The following ADAMTS17 variants were observed in gnomAD, a reference collection of about 807,000 sequenced individuals.
ADAMTS17 encodes the protein ADAM metallopeptidase with thrombospondin type 1 motif 17.
In ADAMTS17, 113 loss-of-function variants were observed where a neutral mutation model predicts 141.5. That is an observed-to-expected ratio of 0.80 (90% CI 0.69 to 0.93). The LOEUF is 0.93. Among genes scored for constraint, ADAMTS17 ranks in the 40% least tolerant of loss-of-function variants. The pLI is 0.00. For missense variants in ADAMTS17, 1,659 were observed against 1,517.9 expected, an observed-to-expected ratio of 1.09 and a Z score of -1.54; for synonymous variants, 768 against 630.6, an observed-to-expected ratio of 1.22 and a Z score of -3.27.
chr15:100,131,770 G>GAGGGAGTCAGCTCACCCC (rs2038055895), intron 12 of ADAMTS17, among the ~76,000 whole-genome samples: 1 of 152,190 alleles, frequency 6.6e-6, no homozygotes, highest in African/African-American at 2.4e-5. Flanking sequence ...GGGAAGGAAT[G>GAGGGAGTCAGCTCACCCC]AGGGAGTCAG....
chr15:100,329,682 T>C (rs2045992385), intron 3 of ADAMTS17, among the ~76,000 whole-genome samples: 1 of 152,184 alleles, frequency 6.6e-6, no homozygotes, highest in Non-Finnish European at 1.5e-5. Flanking sequence ...AGAAAAACCC[T>C]AATGTCTCCA....
intron 7 of ADAMTS17, among the ~76,000 whole-genome samples, chr15:100,222,892 C>G (rs2042178523): frequency 6.6e-6 from 1 of 152,186 alleles, no homozygotes; most frequent in African/African-American, 2.4e-5. Context: ...TTCCAATGGT[C>G]TTTTGAATTG....
chr15:100,313,985 C>T (rs1301982650), intron 3 of ADAMTS17, among the ~76,000 whole-genome samples: 9 of 84,032 alleles, frequency 1.1e-4, no homozygotes, highest in Admixed American at 1.4e-4. Flanking sequence ...GACAAAACCA[C>T]CCCAAACGTC....
intron 20 of ADAMTS17, chr15:99,976,697 C>T: frequency 4.0e-6 from 1 of 250,804 alleles, no homozygotes; most frequent in East Asian, 1.1e-4. Context: ...TGGCTCTCCA[C>T]CGTGAGAGGA....
intron 7 of ADAMTS17, among the ~76,000 whole-genome samples, chr15:100,206,290 C>T (rs2041555550): frequency 6.6e-6 from 1 of 152,220 alleles, no homozygotes; most frequent in Non-Finnish European, 1.5e-5. Flanking sequence ...CTCAGCAGCA[C>T]TGCACCGTCA....
intron 3 of ADAMTS17, among the ~76,000 whole-genome samples, chr15:100,297,824 T>G (rs997739179): frequency 1.3e-5 from 2 of 152,006 alleles, no homozygotes; most frequent in African/African-American, 4.8e-5. Flanking sequence ...TTTAGAGACC[T>G]CAAAACCACA....
intron 3 of ADAMTS17, among the ~76,000 whole-genome samples, chr15:100,292,508 G>A (rs747540418): frequency 8.6e-5 from 13 of 151,532 alleles, no homozygotes; most frequent in East Asian, 1.9e-4. Flanking sequence ...CACTCACCCC[G>A]TGTGAAATTA....
chr15:100,169,697 G>T (rs1288419222), intron 8 of ADAMTS17, among the ~76,000 whole-genome samples: 5 of 152,182 alleles, frequency 3.3e-5, no homozygotes, highest in Non-Finnish European at 7.3e-5. Context: ...CCACGTGGAG[G>T]CTGGGAGCCC....
rs370328243 is a variant in ADAMTS17, at chr15:100,022,905, C to T, written c.2592-25316G>A. ...CTGTATGAAGCTGATGGCATTCACT[C>T]ATCCATATGCTTTTGAGACTTTTGC... On this transcript the variant is annotated intron_variant, in intron 18 of 21. Transcript: ENST00000268070. 2.4e-4 allele frequency among the ~76,000 whole-genome samples: 37 copies of T among 152,334 alleles called. 2 individuals carry two copies. The South Asian group carries it at 7.2e-3, about 30-fold the overall frequency.
chr15:100,030,182 G>A (rs1344420915), intron 18 of ADAMTS17, among the ~76,000 whole-genome samples: 1 of 152,126 alleles, frequency 6.6e-6, no homozygotes, highest in East Asian at 1.9e-4. Context: ...CTCTCCCCCT[G>A]GCCAGGGAAC....
At chr15:100,182,312 C>T (rs2040552771) in intron 8 of ADAMTS17, among the ~76,000 whole-genome samples, 1 of 152,184 alleles carries the variant, frequency 6.6e-6, no homozygotes, top group African/African-American at 2.4e-5. Context: ...TGAGCACTCA[C>T]TATCGCAAGA....
chr15:100,002,757 G>T (rs971210401), intron 18 of ADAMTS17, among the ~76,000 whole-genome samples: 1 of 152,114 alleles, frequency 6.6e-6, no homozygotes, highest in Non-Finnish European at 1.5e-5. Flanking sequence ...GCAGAGCAGT[G>T]AGGGGCGGCT....
At chr15:99,995,329 T>C (rs898752240) in intron 19 of ADAMTS17, among the ~76,000 whole-genome samples, 4 of 152,246 alleles carry the variant, frequency 2.6e-5, no homozygotes, top group South Asian at 2.1e-4. Flanking sequence ...GCCTCTATTT[T>C]GCATTGCTCA....
intron 4 of ADAMTS17, among the ~76,000 whole-genome samples, chr15:100,271,585 G>GT (rs78333467): frequency 3.5e-4 from 52 of 149,394 alleles, no homozygotes; most frequent in African/African-American, 6.5e-4. Context: ...AAATTGAATT[G>GT]TTTTTTTTTT....
At chr15:100,316,317 T>C (rs559749487) in intron 3 of ADAMTS17, among the ~76,000 whole-genome samples, 201 of 152,312 alleles carry the variant, frequency 1.3e-3, no homozygotes, top group African/African-American at 4.7e-3. Flanking sequence ...ACAGGTTTTC[T>C]TGCCTAGAAG....
intron 12 of ADAMTS17, among the ~76,000 whole-genome samples, chr15:100,118,703 C>T (rs768558744): frequency 6.6e-5 from 10 of 152,086 alleles, no homozygotes; most frequent in Non-Finnish European, 1.0e-4. Context: ...TCCTGTGCCA[C>T]GGAACACGGC....
At chr15:100,300,176 C>T (rs939262221) in intron 3 of ADAMTS17, among the ~76,000 whole-genome samples, 4 of 152,068 alleles carry the variant, frequency 2.6e-5, no homozygotes, top group African/African-American at 9.7e-5. Flanking sequence ...GTCAGGTGTC[C>T]TTCACTCCTC....
chr15:100,249,467 T>G (rs1326411564), intron 7 of ADAMTS17, among the ~76,000 whole-genome samples: 3 of 152,128 alleles, frequency 2.0e-5, no homozygotes, highest in African/African-American at 7.2e-5. Context: ...CTCACTCCAG[T>G]GCAGGTGGGG....
At chr15:100,058,306 A>C (rs373056197) in intron 15 of ADAMTS17, among the ~76,000 whole-genome samples, 752 of 13,722 alleles carry the variant, frequency 0.055, 54 homozygotes, top group African/African-American at 0.078. Flanking sequence ...CGGCTCTAAC[A>C]CCCCTATCCC....
Sources: allele counts gnomAD v4.1 joint callset (sites outside exome capture counted in the v4.1 genomes callset), GRCh38; gene constraint gnomAD v4.1.1; transcripts MANE v1.5; gene names NCBI Gene and HGNC (gene_info 2026-07-23, HGNC 2026-07-21).